MYO15A: variants seen among roughly 807,000 people sequenced by gnomAD.
The protein encoded by MYO15A is myosin XVA.
Under a neutral mutation model 394.6 loss-of-function variants are expected in MYO15A, and 308 were observed. The observed-to-expected ratio is 0.78, with a 90% CI of 0.71 to 0.86. The LOEUF (loss-of-function observed/expected upper bound fraction) is 0.86. Ranked by LOEUF, MYO15A falls within the 40% of genes least tolerant of loss-of-function variation. The pLI is 0.00. For synonymous variants in MYO15A, 1,957 were observed against 2,003.8 expected (o/e 0.98, Z 0.62); for missense variants, 4,606 against 4,799.1 (o/e 0.96, Z 1.19).
intron 7 of MYO15A, among the ~76,000 whole-genome samples, chr17:18,130,595 G>A (rs2046136885): frequency 1.3e-5 from 2 of 152,006 alleles, no homozygotes; most frequent in South Asian, 4.2e-4. Context: ...GAGCTGTTTG[G>A]AAGGCAAACT....
At chr17:18,161,018 T>G in intron 56 of MYO15A, 1 of 520,836 alleles carries the variant, frequency 1.9e-6, no homozygotes, top group East Asian at 3.9e-5. Context: ...CCCAGAAGCC[T>G]CCCTAGAGAG....
chr17:18,111,308 C>A (rs1353617414), intron 1 of MYO15A, among the ~76,000 whole-genome samples: 3 of 145,558 alleles, frequency 2.1e-5, no homozygotes, highest in Non-Finnish European at 4.5e-5. Context: ...GCACTCCAGC[C>A]TGAGTGATGG....
chr17:18,168,024 A>G lies in MYO15A; in HGVS notation c.10082+301A>G, dbSNP rs62073607. ...TCCCTGTGGTCCAGGAAATACATGTAGCTATGCAGAAAGATTCAGCCACAA... is the reference window on the plus strand; with the variant it reads ...TCCCTGTGGTCCAGGAAATACATGTGGCTATGCAGAAAGATTCAGCCACAA... On this transcript the variant is annotated intron_variant, in intron 62 of 65. Coordinates refer to ENST00000647165, the MANE Select transcript of MYO15A (RefSeq NM_016239.4). Among the ~76,000 whole-genome samples, 29,955 of 152,274 alleles carry G rather than the reference A, an allele frequency of 0.2. 3,100 individuals carry two copies. Among genetic ancestry groups the G allele is most frequent in the Middle Eastern group, 0.27 (78 of 294 alleles).
At chr17:18,112,411 T>G in intron 1 of MYO15A, among the ~76,000 whole-genome samples, 2 of 149,920 alleles carry the variant, frequency 1.3e-5, no homozygotes, top group South Asian at 2.1e-4. Context: ...TGGGGGGTCG[T>G]GGGGGACAGG....
Position 18,157,888 on chromosome 17 carries a change from C to T in MYO15A, c.8955C>T (p.Gly2985=), listed in dbSNP as rs1428495828. Residue 2985 remains glycine (G), a synonymous_variant, in exon 51 of 66, where the codon GGC becomes GGT. Transcript: ENST00000647165. ...CTGCAGCCGCTGCACAGGAGGTGGG[C>T]CGCAGGAGAGAGGTGAGACCAGTGT... The part of the protein sequence containing the change: ...VASAAAAQEV[G]RRREGPPVRA... 1.4e-6 allele frequency: 2 copies of T among 1,444,398 alleles called. No individual in the cohort carries two copies. The highest frequency in any genetic ancestry group is 1.8e-6 in the Non-Finnish European group (2 of 1,092,594). The allele number at this position is 1,444,398 out of a possible 1,614,324, so 89.5% of individuals were successfully genotyped here. A position where few individuals can be genotyped will look rare whatever the true frequency, so the allele number is the denominator to read the frequency against.
In MYO15A at chr17:18,122,430, C is replaced by T. The variant is rs712268; in HGVS notation, c.3609+21C>T. On this transcript the variant is annotated intron_variant, in intron 2 of 65. Transcript: ENST00000647165. The stretch of plus-strand genomic sequence containing the variant: ...ACAAGGTATGGAGGCACAGATTACA[C>T]GGAGGGTTTGAGGGTTCTGGCCTAG... 6.2e-6 allele frequency: 10 copies of T among 1,607,696 alleles called. No individual in the cohort carries two copies. The South Asian group carries it at 6.6e-5, about 11-fold the overall frequency.
chr17:18,122,288 C>A lies in MYO15A; in HGVS notation c.3488C>A (p.Ala1163Asp). Residue 1163 changes from alanine to aspartate, a missense_variant, in exon 2 of 66, where the codon GCC (alanine) becomes GAC (aspartate). Around this residue, in one of 2 missense-constraint regions of MYO15A, gnomAD observed 1,830 missense variants for 1,689.7 expected, o/e 1.08. Coordinates refer to ENST00000647165, the MANE Select transcript of MYO15A (RefSeq NM_016239.4). ...TCCTGCCTCTGGCTTCGGGCAGATG[C>A]CTATGGACCCTGGCCACGAGTACAC... ...RWSCLWLRAD[A>D]YGPWPRVHTH... 1.2e-6 allele frequency: 2 copies of A among 1,613,086 alleles called. No individual in the cohort carries two copies. Among genetic ancestry groups the A allele is most frequent in the South Asian group, 1.1e-5 (1 of 91,076 alleles).
Position 18,120,360 on chromosome 17 carries a change from C to T in MYO15A, c.1560C>T (p.Pro520=). The T allele has an allele frequency of 6.2e-7, 1 of 1,612,158 alleles. No homozygotes were observed. Among genetic ancestry groups the T allele is most frequent in the Non-Finnish European group, 8.5e-7 (1 of 1,179,962 alleles). The change falls in exon 2 of 66, where the codon CCC becomes CCT. Residue 520 remains proline, a synonymous_variant. Transcript: ENST00000647165. ...AAGAAGAGGACGAGGAGGAGCTGCC[C>T]CCGGTTTCCGCTGTGCCCTACGGCC... ...ADEEEDEEEL[P]PVSAVPYGHP...
At position 18,120,185 on chromosome 17, in the gene MYO15A, G is replaced by A. The variant is rs145292219; in HGVS notation, c.1385G>A (p.Gly462Asp). The A allele has an allele frequency of 3.6e-3, 5,816 of 1,612,888 alleles. 22 individuals carry two copies. The highest frequency in any genetic ancestry group is 0.013 in the Middle Eastern group (80 of 6,062). The part of the protein sequence containing the change: ...LPSAAFFEQQ[G>D]MDKPARSKLS... ...AGCGCCGCCTTCTTCGAGCAGCAAG[G>A]CATGGATAAGCCCGCCAGGTCCAAG... The change falls in exon 2 of 66, where the codon GGC (glycine) becomes GAC (aspartate). Residue 462 changes from glycine to aspartate, a missense_variant. Transcript: ENST00000647165.
intron 7 of MYO15A, among the ~76,000 whole-genome samples, chr17:18,130,044 T>G (rs956667868): frequency 6.6e-6 from 1 of 152,132 alleles, no homozygotes; most frequent in Non-Finnish European, 1.5e-5. Flanking sequence ...CACGCCCGGC[T>G]AATTTTTTGT....
intron 53 of MYO15A, 114 bp downstream of exon 53, chr17:18,159,111 A>G (rs571512591): frequency 7.1e-7 from 1 of 1,402,748 alleles, no homozygotes; most frequent in South Asian, 1.2e-5. Flanking sequence ...GATTCTCAGC[A>G]CCCTGATTCC....
rs377215209 is a variant in MYO15A, at chr17:18,143,812, G to A, written c.6046+16G>A. The A allele has an allele frequency of 3.3e-5, 52 of 1,573,248 alleles. No homozygotes were observed. Among genetic ancestry groups the A allele is most frequent in the Non-Finnish European group, 4.0e-5 (46 of 1,159,478 alleles). ...GCAGTGGCAGGTGGGTCAGCACCAG[G>A]CGGGGGGAGGGCCCAGGCAGATCAG... On this transcript the variant is annotated intron_variant, in intron 27 of 65. Coordinates refer to ENST00000647165, the MANE Select transcript of MYO15A (RefSeq NM_016239.4).
chr17:18,174,013 A>G, intron 65 of MYO15A, 92 bp downstream of exon 65: 1 of 1,512,470 alleles, frequency 6.6e-7, no homozygotes, highest in Non-Finnish European at 8.9e-7. Context: ...TGCCCCAGGG[A>G]GTATCCAGGC....
intron 53 of MYO15A, 49 bp downstream of exon 53, chr17:18,159,046 G>C (rs756207870): frequency 1.6e-5 from 26 of 1,595,398 alleles, no homozygotes; most frequent in Non-Finnish European, 1.8e-5. Context: ...TGGTGATGCA[G>C]GGGCCCCCTC....
chr17:18,122,101 C>T lies in MYO15A; in HGVS notation c.3301C>T (p.Pro1101Ser). 6.2e-7 allele frequency: 1 copy of T among 1,612,852 alleles called. No individual in the cohort carries two copies. Among genetic ancestry groups the T allele is most frequent in the Non-Finnish European group, 8.5e-7 (1 of 1,179,952 alleles). The change falls in exon 2 of 66, where the codon CCC becomes TCC. Residue 1101 changes from proline (P) to serine (S), a missense_variant. Coordinates refer to ENST00000647165, the MANE Select transcript of MYO15A (RefSeq NM_016239.4). ...LAPIRAPEPLPKGGERRQAAP... is the reference protein window; with the variant it reads ...LAPIRAPEPLSKGGERRQAAP... The stretch of plus-strand genomic sequence containing the variant: ...GCCCATCAGGGCCCCAGAGCCCCTG[C>T]CCAAGGGGGGTGAACGGCGCCAGGC...
At position 18,148,864 on chromosome 17, in the gene MYO15A, C is replaced by T; in HGVS notation, c.6868C>T (p.Leu2290=). ...CTACGTGTTAGACCTGGTGTCGGACCTGGAGCTGCTCAGGGACTTCCCTCG... is the reference window on the plus strand; with the variant it reads ...CTACGTGTTAGACCTGGTGTCGGACTTGGAGCTGCTCAGGGACTTCCCTCG... The part of the protein sequence containing the change: ...HDYVLDLVSD[L]ELLRDFPRQK... The change falls in exon 33 of 66, where the codon CTG becomes TTG. Residue 2290 remains leucine (L), a synonymous_variant. Coordinates refer to ENST00000647165, the MANE Select transcript of MYO15A (RefSeq NM_016239.4). This position sits in a 1 kb window ranked among gnomAD's most constrained non-coding sequence, Gnocchi z 4.8. 6.2e-7 allele frequency: 1 copy of T among 1,607,666 alleles called. No individual in the cohort carries two copies. The highest frequency in any genetic ancestry group is 8.5e-7 in the Non-Finnish European group (1 of 1,177,100).
At chr17:18,114,394 G>A (rs1468272017) in intron 1 of MYO15A, among the ~76,000 whole-genome samples, 1 of 151,982 alleles carries the variant, frequency 6.6e-6, no homozygotes, top group Non-Finnish European at 1.5e-5. Context: ...TGCAATTACA[G>A]GCATGCGCCA....
In MYO15A at chr17:18,119,151, C is replaced by T. The variant is rs1567618391; in HGVS notation, c.351C>T (p.Tyr117=). 3 of 1,607,996 alleles carry T rather than the reference C, an allele frequency of 1.9e-6. No individual in the cohort carries two copies. The highest frequency in any genetic ancestry group is 2.5e-6 in the Non-Finnish European group (3 of 1,176,640). Residue 117 remains tyrosine (Y), a synonymous_variant, in exon 2 of 66, where the codon TAC becomes TAT. Transcript: ENST00000647165. ...TCCGCTTCCCAGGCCGCCGTGGCTA[C>T]GGCCGCCTGCGGCCGCGCGCCCGGT... ...MVIRFPGRRG[Y]GRLRPRARSL... is the part of the protein sequence containing the mutation.
intron 65 of MYO15A, chr17:18,178,390 A>T: frequency 3.0e-6 from 1 of 331,050 alleles, no homozygotes; most frequent in South Asian, 2.9e-5. Context: ...AAAAGAATTT[A>T]CATGCAATAA....
Sources: gnomAD v4.1 joint callset for allele counts (sites outside exome capture counted in the v4.1 genomes callset) on GRCh38, gnomAD v4.1.1 for gene constraint, gnomAD v4.1.1 regional missense constraint, Gnocchi (gnomAD v3.1) non-coding constraint, MANE v1.5 for transcripts, NCBI Gene and HGNC (gene_info 2026-07-23, HGNC 2026-07-21) for gene names.